The following PARVB variants were observed in gnomAD, a reference collection of about 807,000 sequenced individuals.
PARVB encodes the protein parvin beta, also known as beta-parvin.
PARVB carries 46 observed loss-of-function variants against 47.0 expected under a neutral mutation model. The observed-to-expected ratio is 0.98, with a 90% confidence interval of 0.77 to 1.25. The LOEUF is 1.25. Among genes scored for constraint, PARVB ranks in the 50% most tolerant of loss-of-function variants. PARVB has a pLI of 0.00. For synonymous variants in PARVB, 196 were observed against 196.3 expected, an observed-to-expected ratio of 1.00 and a Z score of 0.01; for missense variants, 473 against 471.6, an observed-to-expected ratio of 1.00 and a Z score of -0.03.
chr22:44,128,006 G>C (rs1462362335), intron 4 of PARVB, among the ~76,000 whole-genome samples: 5 of 152,124 alleles, frequency 3.3e-5, no homozygotes, highest in South Asian at 2.1e-4. Flanking sequence ...GGCTAGTCTT[G>C]AACTGGGCTC....
chr22:44,095,247 A>G (rs62226434), intron 2 of PARVB, among the ~76,000 whole-genome samples: 15,529 of 152,120 alleles, frequency 0.1, 847 homozygotes, highest in Middle Eastern at 0.17. Context: ...GGTGGCTCAC[A>G]CCTGTAATCC....
intron 5 of PARVB, among the ~76,000 whole-genome samples, chr22:44,131,860 C>G (rs2053332712): frequency 6.6e-6 from 1 of 152,128 alleles, no homozygotes; most frequent in African/African-American, 2.4e-5. Context: ...TCCATCCTCC[C>G]CATGCTGCAG....
At chr22:44,086,443 T>C (rs2052026287) in intron 1 of PARVB, among the ~76,000 whole-genome samples, 3 of 152,220 alleles carry the variant, frequency 2.0e-5, no homozygotes, top group African/African-American at 4.8e-5. Flanking sequence ...CCCAAGAACC[T>C]TGGAGATTGG....
At position 44,131,598 on chromosome 22, in the gene PARVB, G is replaced by C. The variant is rs544981640; in HGVS notation, c.488G>C (p.Arg163Pro). ...GCAGTACATGACCTGCTGCGGCCCC[G>C]AGGCTGGGCGCTCCGGTGGAGCGTG... ...LEAVHDLLRP[R>P]GWALRWSVDS... Residue 163 changes from arginine (R) to proline (P), a missense_variant, in exon 5 of 13, where the codon CGA becomes CCA. Coordinates refer to ENST00000338758, the MANE Select transcript of PARVB (RefSeq NM_013327.5). The C allele has an allele frequency of 4.3e-6, 7 of 1,613,808 alleles. No individual in the cohort carries two copies. Among genetic ancestry groups the C allele is most frequent in the Non-Finnish European group, 5.9e-6 (7 of 1,179,952 alleles).
intron 1 of PARVB, among the ~76,000 whole-genome samples, chr22:44,093,033 G>C (rs1355603411): frequency 6.6e-6 from 1 of 152,266 alleles, no homozygotes; most frequent in African/African-American, 2.4e-5. Flanking sequence ...CCAGTGCCAT[G>C]AAAGTGGCCA....
At chr22:44,094,591 G>GTGATCCTCCTGCC (rs1419822555) in intron 2 of PARVB, among the ~76,000 whole-genome samples, 2 of 152,054 alleles carry the variant, frequency 1.3e-5, no homozygotes, top group Non-Finnish European at 2.9e-5. Flanking sequence ...CCAGGTTCAA[G>GTGATCCTCCTGCC]TGATCCTCCT....
At chr22:44,106,994 G>T (rs531993957) in intron 3 of PARVB, 2 of 152,198 alleles carry the variant, frequency 1.3e-5, no homozygotes, top group Non-Finnish European at 2.9e-5. Flanking sequence ...TAGCACCAAC[G>T]TGACAACCTC....
intron 8 of PARVB, chr22:44,147,195 G>A (rs1214755269): frequency 2.2e-5 from 4 of 182,334 alleles, no homozygotes; most frequent in Admixed American, 5.3e-5. Flanking sequence ...CCCATGGCAC[G>A]TGGGAGAGAG....
At chr22:44,078,834 C>G (rs1290663337) in intron 1 of PARVB, among the ~76,000 whole-genome samples, 1 of 152,230 alleles carries the variant, frequency 6.6e-6, no homozygotes, top group South Asian at 2.1e-4. Flanking sequence ...AAGCGATTCT[C>G]CTGCCTCAGC....
intron 10 of PARVB, among the ~76,000 whole-genome samples, chr22:44,154,026 G>A (rs1393000607): frequency 1.3e-5 from 2 of 152,180 alleles, no homozygotes; most frequent in Non-Finnish European, 2.9e-5. Context: ...AAGATTTGCT[G>A]TGTGGGGGCC....
chr22:44,018,177 G>A (rs946114653), intron 2 of PARVB, among the ~76,000 whole-genome samples: 7 of 152,072 alleles, frequency 4.6e-5, no homozygotes, highest in African/African-American at 1.7e-4. Context: ...TGAGGCGGGT[G>A]GATCACCTGA....
intron 1 of PARVB, among the ~76,000 whole-genome samples, chr22:44,081,998 C>A: frequency 6.6e-6 from 1 of 152,286 alleles, no homozygotes; most frequent in South Asian, 2.1e-4. Flanking sequence ...CAGAGGCTTG[C>A]GTCGAAGGAC....
rs2052123488 is a variant in PARVB at position 44,089,899 on chromosome 22, C to T, written c.113-4029C>T. 6.6e-6 allele frequency among the ~76,000 whole-genome samples: 1 copy of T among 152,182 alleles called. No homozygotes were observed. The highest frequency in any genetic ancestry group is 2.4e-5 in the African/African-American group (1 of 41,436). On this transcript the variant is annotated intron_variant, in intron 1 of 12. Transcript: ENST00000338758. The surrounding 1 kb of genome is among the most constrained non-coding windows in gnomAD (Gnocchi z 4.0). The stretch of plus-strand genomic sequence containing the variant: ...CCTTAGCCTGGCCATATTTCAAGGC[C>T]AGTTCAATTGCTGCCTCCTCCAGGA...
chr22:44,151,492 A>G lies in PARVB; in HGVS notation c.784A>G (p.Thr262Ala), dbSNP rs755551123. 6.2e-7 allele frequency: 1 copy of G among 1,613,600 alleles called. No homozygotes were observed. The highest frequency in any genetic ancestry group is 1.7e-5 in the Admixed American group (1 of 60,010). Reference protein sequence around the residue: ...KLSVVKKSLITFVNKHLNKLN... With the variant: ...KLSVVKKSLIAFVNKHLNKLN... The stretch of plus-strand genomic sequence containing the variant: ...CTTTTATTCTTGGCAGTCTCTCATC[A>G]CTTTTGTGAACAAGCACCTGAACAA... Residue 262 changes from threonine to alanine, a missense_variant, in exon 10 of 13, where the codon ACT (threonine) becomes GCT (alanine). Transcript: ENST00000338758.
At chr22:44,156,991 C>T (rs2053949465) in intron 10 of PARVB, among the ~76,000 whole-genome samples, 2 of 152,202 alleles carry the variant, frequency 1.3e-5, no homozygotes, top group African/African-American at 4.8e-5. Context: ...TGCTACTGGC[C>T]TGTGCGCTTA....
At chr22:44,038,358 C>T (rs772972138) in intron 1 of PARVB, among the ~76,000 whole-genome samples, 5 of 152,174 alleles carry the variant, frequency 3.3e-5, no homozygotes, top group Non-Finnish European at 7.3e-5. Context: ...TCTTTCTGGG[C>T]CCTGGAGCTG....
intron 4 of PARVB, among the ~76,000 whole-genome samples, chr22:44,129,863 C>T (rs1455996249): frequency 2.0e-5 from 3 of 152,216 alleles, no homozygotes; most frequent in African/African-American, 7.2e-5. Flanking sequence ...TGTGCCATAT[C>T]CAGCACCTAG....
Position 44,068,871 on chromosome 22 carries a change from G to C in PARVB, c.113-25057G>C, listed in dbSNP as rs1316540289. Among the ~76,000 whole-genome samples the C allele has an allele frequency of 6.6e-6, 1 of 152,200 alleles. No homozygotes were observed. Among genetic ancestry groups the C allele is most frequent in the African/African-American group, 2.4e-5 (1 of 41,450 alleles). ...GCCCTTCCTTCCTTCTTTGTGCATG[G>C]GGGTTTTCCTGGGGAGCAGTTGCCC... On this transcript the variant is annotated intron_variant, in intron 1 of 12. Transcript: ENST00000338758. The surrounding 1 kb of genome is among the most constrained non-coding windows in gnomAD (Gnocchi z 4.1).
intron 3 of PARVB, chr22:44,106,669 T>C (rs1409180384): frequency 6.6e-6 from 1 of 152,190 alleles, no homozygotes; most frequent in East Asian, 1.9e-4. Flanking sequence ...TCTCTTTCTC[T>C]GTTCTCTGTC....
Sources: gnomAD v4.1 joint callset for allele counts (sites outside exome capture counted in the v4.1 genomes callset) on GRCh38, gnomAD v4.1.1 for gene constraint, Gnocchi (gnomAD v3.1) non-coding constraint, MANE v1.5 for transcripts, NCBI Gene and HGNC (gene_info 2026-07-23, HGNC 2026-07-21) for gene names.